The following UTRN variants were observed in gnomAD, a reference collection of about 807,000 sequenced individuals.
UTRN encodes the protein dystrophin-related protein 1.
Under a neutral mutation model 463.9 loss-of-function variants are expected in UTRN, and 283 were observed. That is an observed-to-expected ratio of 0.61 (90% CI 0.55 to 0.67). The LOEUF is 0.67. Among genes scored for constraint, UTRN ranks in the 30% least tolerant of loss-of-function variants. UTRN has a pLI of 0.00. For missense variants in UTRN, 3,922 were observed against 4,084.3 expected (o/e 0.96, Z 1.08); for synonymous variants, 1,442 against 1,431.5 (o/e 1.01, Z -0.17).
intron 2 of UTRN, among the ~76,000 whole-genome samples, chr6:144,400,147 G>A (rs192088311): frequency 9.9e-5 from 15 of 152,262 alleles, no homozygotes; most frequent in African/African-American, 3.1e-4. Context: ...CCAAGCCTAA[G>A]GAAAACAGGG....
chr6:144,391,842 C>CA (rs1361573409), intron 2 of UTRN, among the ~76,000 whole-genome samples: 1 of 152,164 alleles, frequency 6.6e-6, no homozygotes, highest in Non-Finnish European at 1.5e-5. Flanking sequence ...AGGGTTTCAC[C>CA]TGTTAGCCAT....
chr6:144,611,777 T>A (rs1305171660), intron 51 of UTRN, among the ~76,000 whole-genome samples: 1 of 152,212 alleles, frequency 6.6e-6, no homozygotes, highest in African/African-American at 2.4e-5. Flanking sequence ...ATTTCCATAC[T>A]ACCCAATGTA....
chr6:144,797,114 T>A (rs1777290990), intron 63 of UTRN, among the ~76,000 whole-genome samples: 1 of 152,216 alleles, frequency 6.6e-6, no homozygotes, highest in African/African-American at 2.4e-5. Flanking sequence ...CAGCTTTTAT[T>A]TAGCATTTAT....
intron 69 of UTRN, among the ~76,000 whole-genome samples, chr6:144,831,162 G>T (rs1780641429): frequency 6.6e-6 from 1 of 152,084 alleles, no homozygotes; most frequent in Non-Finnish European, 1.5e-5. Context: ...TAAACAGAAT[G>T]ATGGCCCCCC....
intron 54 of UTRN, among the ~76,000 whole-genome samples, chr6:144,747,565 T>C (rs1326932207): frequency 1.3e-5 from 2 of 152,260 alleles, no homozygotes; most frequent in Non-Finnish European, 2.9e-5. Context: ...CCATGTGTTA[T>C]GCTTGCTATT....
chr6:144,437,427 G>A (rs1786673723), intron 10 of UTRN, 138 bp from the exon 11 acceptor site: 2 of 719,506 alleles, frequency 2.8e-6, no homozygotes, highest in Non-Finnish European at 4.1e-6. Flanking sequence ...TGTGGTCAAT[G>A]TCTATTTTAT....
intron 5 of UTRN, 36 bp downstream of exon 5, chr6:144,423,662 G>A: frequency 3.7e-6 from 6 of 1,605,434 alleles, no homozygotes; most frequent in Non-Finnish European, 4.3e-6. Context: ...GGTCTGTGCT[G>A]CCATCAGCAT....
chr6:144,660,870 G>A (rs1488512422), intron 51 of UTRN, among the ~76,000 whole-genome samples: 2 of 152,238 alleles, frequency 1.3e-5, no homozygotes, highest in Non-Finnish European at 2.9e-5. Context: ...ATTATTAAAT[G>A]TGCGTGTAGC....
At chr6:144,670,188 C>T (rs1013564369) in intron 51 of UTRN, among the ~76,000 whole-genome samples, 2 of 152,068 alleles carry the variant, frequency 1.3e-5, no homozygotes, top group Non-Finnish European at 2.9e-5. Context: ...ATTTTTAGTT[C>T]TTTAAGGACT....
At chr6:144,496,359 G>A (rs1425723924) in intron 33 of UTRN, among the ~76,000 whole-genome samples, 1 of 152,108 alleles carries the variant, frequency 6.6e-6, no homozygotes, top group Non-Finnish European at 1.5e-5. Context: ...TCTCACTTCT[G>A]CAAGCTTAGA....
chr6:144,732,295 TAC>T (rs200581460), intron 54 of UTRN, among the ~76,000 whole-genome samples: 1 of 119,016 alleles, frequency 8.4e-6, no homozygotes, highest in Non-Finnish European at 1.7e-5. Context: ...TATATATATA[TAC>T]ACATATATAT....
At chr6:144,432,210 C>A (rs761985770) in intron 9 of UTRN, among the ~76,000 whole-genome samples, 1 of 152,146 alleles carries the variant, frequency 6.6e-6, no homozygotes, top group Non-Finnish European at 1.5e-5. Flanking sequence ...GACTTTTCCC[C>A]CAAGACTCTT....
chr6:144,721,314 C>A (rs1267824558), intron 53 of UTRN, among the ~76,000 whole-genome samples: 2 of 152,154 alleles, frequency 1.3e-5, no homozygotes, highest in Non-Finnish European at 2.9e-5. Flanking sequence ...TGGAGCCAAG[C>A]AGTCCTGCCT....
intron 51 of UTRN, among the ~76,000 whole-genome samples, chr6:144,643,048 A>C (rs1345631198): frequency 6.6e-6 from 1 of 152,014 alleles, no homozygotes; most frequent in Non-Finnish European, 1.5e-5. Context: ...TTGTTATTTT[A>C]TAGTATCTAT....
At chr6:144,713,176 T>C (rs564128115) in intron 53 of UTRN, among the ~76,000 whole-genome samples, 1 of 152,234 alleles carries the variant, frequency 6.6e-6, no homozygotes, top group South Asian at 2.1e-4. Context: ...CCTAAGAGCA[T>C]TTCCTTTGAG....
At chr6:144,633,832 A>C (rs1266964212) in intron 51 of UTRN, among the ~76,000 whole-genome samples, 5 of 152,240 alleles carry the variant, frequency 3.3e-5, no homozygotes, top group Admixed American at 6.5e-5. Context: ...AGGAAACTGA[A>C]AATACTTGAA....
chr6:144,710,573 C>T (rs970119405), intron 53 of UTRN, among the ~76,000 whole-genome samples: 1 of 152,172 alleles, frequency 6.6e-6, no homozygotes, highest in Admixed American at 6.5e-5. Context: ...TGTCTCAGAA[C>T]ATTGATATAT....
intron 14 of UTRN, 138 bp from the exon 15 acceptor site, chr6:144,447,073 T>G: frequency 1.5e-6 from 1 of 666,490 alleles, no homozygotes; most frequent in South Asian, 2.0e-5. Flanking sequence ...GCCTCAGACT[T>G]AGGTGTTTGA....
At chr6:144,772,610 A>G (rs771910645) in intron 59 of UTRN, among the ~76,000 whole-genome samples, 82 of 152,208 alleles carry the variant, frequency 5.4e-4, no homozygotes, top group Non-Finnish European at 9.1e-4. Flanking sequence ...TACAATTACA[A>G]TATAGCCAAC....
Sources: allele counts gnomAD v4.1 joint callset (sites outside exome capture counted in the v4.1 genomes callset), GRCh38; gene constraint gnomAD v4.1.1; transcripts MANE v1.5; gene names NCBI Gene and HGNC (gene_info 2026-07-23, HGNC 2026-07-21).